SETD7: variants seen among roughly 807,000 people sequenced by gnomAD.
SETD7 encodes the protein SET domain containing 7, histone lysine methyltransferase, also known as histone-lysine N-methyltransferase SETD7.
SETD7 carries 16 observed loss-of-function variants against 41.8 expected under a neutral mutation model. The ratio of observed to expected loss-of-function variants is 0.38; its 90% confidence interval spans 0.26 to 0.58. SETD7 has a LOEUF of 0.58. SETD7 is among the 20% of genes least tolerant of loss of function. SETD7 has a pLI of 0.64. For synonymous variants in SETD7, 163 were observed against 169.7 expected (o/e 0.96, Z 0.31); for missense variants, 346 against 459.7 (o/e 0.75, Z 2.26).
intron 2 of SETD7, among the ~76,000 whole-genome samples, chr4:139,544,023 C>T (rs989089640): frequency 5.3e-5 from 8 of 151,992 alleles, no homozygotes; most frequent in Non-Finnish European, 1.0e-4. Context: ...GGCACAATGG[C>T]TCACGCCTGT....
At chr4:139,501,721 C>T (rs150518624), downstream of SETD7, among the ~76,000 whole-genome samples, 1,099 of 152,320 alleles carry the variant, frequency 7.2e-3, 18 homozygotes, top group African/African-American at 0.025. Context: ...GCCTAGTGAT[C>T]CCCGCAAAGC....
intron 1 of SETD7, among the ~76,000 whole-genome samples, chr4:139,548,784 A>C (rs1442119550): frequency 1.3e-5 from 2 of 152,230 alleles, no homozygotes; most frequent in African/African-American, 4.8e-5. Flanking sequence ...AGACACATCT[A>C]CTTAAATAAA....
downstream of SETD7, among the ~76,000 whole-genome samples, chr4:139,503,235 A>C (rs1484793400): frequency 6.6e-6 from 1 of 151,754 alleles, no homozygotes; most frequent in Non-Finnish European, 1.5e-5. Flanking sequence ...ATTGGATCAA[A>C]GAGGGACCCA....
At chr4:139,495,069 T>A (rs1257110433), downstream of SETD7, among the ~76,000 whole-genome samples, 1 of 152,266 alleles carries the variant, frequency 6.6e-6, no homozygotes, top group Non-Finnish European at 1.5e-5. Flanking sequence ...TAATGCACAA[T>A]CTCTTTCATT....
chr4:139,499,059 C>T (rs1383017634), intron 7 of SETD7, among the ~76,000 whole-genome samples: 2 of 152,160 alleles, frequency 1.3e-5, no homozygotes, highest in Admixed American at 6.5e-5. Flanking sequence ...AAGAGTCTGT[C>T]TCAAAAAGAA....
chr4:139,524,120 T>C (rs955866059), intron 4 of SETD7, among the ~76,000 whole-genome samples: 1 of 152,208 alleles, frequency 6.6e-6, no homozygotes, highest in Non-Finnish European at 1.5e-5. Flanking sequence ...TCAGAGGGCT[T>C]ACTCCTGCAA....
At position 139,509,427 on chromosome 4, in the gene SETD7, G is replaced by T. The variant is rs2592968; in HGVS notation, c.*2236C>A. The T allele has an allele frequency of 0.98, 149,386 of 152,452 alleles. 73,273 individuals carry two copies. The highest frequency in any genetic ancestry group is 1 in the Middle Eastern group (294 of 294). 9.4% of individuals were successfully genotyped at this position (152,452 alleles called of 1,614,324 possible). The stretch of plus-strand genomic sequence containing the variant: ...AACTCTTCAATTCCTTCTATCCAAT[G>T]TTGAAAAAAATTCCATTTGAATGGG... On this transcript the variant is annotated 3_prime_UTR_variant, in exon 8 of 8. Coordinates refer to ENST00000274031, the MANE Select transcript of SETD7 (RefSeq NM_030648.4).
At chr4:139,516,957 T>C (rs1727043009) in intron 7 of SETD7, among the ~76,000 whole-genome samples, 1 of 152,218 alleles carries the variant, frequency 6.6e-6, no homozygotes, top group African/African-American at 2.4e-5. Context: ...ATCTACTTTC[T>C]ATCTCTGTGG....
intron 4 of SETD7, among the ~76,000 whole-genome samples, chr4:139,524,458 A>G (rs998064964): frequency 6.6e-6 from 1 of 152,216 alleles, no homozygotes; most frequent in Non-Finnish European, 1.5e-5. Flanking sequence ...GGCCGGAGGG[A>G]CAGAGGGCAC....
intron 1 of SETD7, among the ~76,000 whole-genome samples, chr4:139,554,957 C>A (rs939118866): frequency 5.9e-5 from 9 of 152,006 alleles, no homozygotes; most frequent in Non-Finnish European, 7.4e-5. Context: ...CAGACAGAAA[C>A]CAGATTCAAC....
At chr4:139,549,089 T>C (rs1019553288) in intron 1 of SETD7, among the ~76,000 whole-genome samples, 1 of 152,228 alleles carries the variant, frequency 6.6e-6, no homozygotes, top group African/African-American at 2.4e-5. Flanking sequence ...GCGATCAAGT[T>C]AAATTTAGGC....
At chr4:139,514,669 A>G (rs1394867483) in intron 7 of SETD7, among the ~76,000 whole-genome samples, 1 of 152,226 alleles carries the variant, frequency 6.6e-6, no homozygotes, top group African/African-American at 2.4e-5. Flanking sequence ...CATGAAGAGC[A>G]TCTAGCACAG....
chr4:139,556,095 T>G lies in SETD7; in HGVS notation c.40+3A>C. 6.2e-7 allele frequency: 1 copy of G among 1,601,564 alleles called. No individual in the cohort carries two copies. The highest frequency in any genetic ancestry group is 8.5e-7 in the Non-Finnish European group (1 of 1,174,876). On this transcript the variant is annotated splice_donor_region_variant and intron_variant, in intron 1 of 7. Coordinates refer to ENST00000274031, the MANE Select transcript of SETD7 (RefSeq NM_030648.4). ...TCCCCCGGCCCCGGAGAAATGCTTG[T>G]ACCTTCCACCGCCTCCTCCACCATC... is the stretch of plus-strand genomic sequence containing the variant.
At chr4:139,552,819 T>G (rs565846253) in intron 1 of SETD7, among the ~76,000 whole-genome samples, 1 of 152,330 alleles carries the variant, frequency 6.6e-6, no homozygotes, top group African/African-American at 2.4e-5. Context: ...TAATTTTTAC[T>G]TCCTCTCAAC....
At chr4:139,498,086 C>A (rs1289446498) in intron 7 of SETD7, among the ~76,000 whole-genome samples, 2 of 152,200 alleles carry the variant, frequency 1.3e-5, no homozygotes, top group Non-Finnish European at 2.9e-5. Context: ...GTGATTACTT[C>A]ATTCTTTCAG....
intron 7 of SETD7, among the ~76,000 whole-genome samples, chr4:139,498,863 C>T (rs1303246071): frequency 6.6e-6 from 1 of 152,202 alleles, no homozygotes. Context: ...GTAATCCCAG[C>T]ACTTTGGGAG....
Position 139,555,182 on chromosome 4 carries a change from C to CAAA in SETD7, c.40+913_40+915dup, listed in dbSNP as rs34969738. Among the ~76,000 whole-genome samples the CAAA allele has an allele frequency of 1.8e-5, 2 of 110,286 alleles. No homozygotes were observed. The highest frequency in any genetic ancestry group is 6.2e-5 in the African/African-American group (2 of 32,010). 72.4% of individuals were successfully genotyped at this position (110,286 alleles called of 152,430 possible). ...CCCCACATCGTTTTTTCAGAACTAACAAAAAAAAAAAAAAAAAGGTGGAGA... is the reference window on the plus strand; with the variant it reads ...CCCCACATCGTTTTTTCAGAACTAACAAAAAAAAAAAAAAAAAAAAGGTGGAGA... On this transcript the variant is annotated intron_variant, in intron 1 of 7. Transcript: ENST00000274031. This position sits in a 1 kb window ranked among gnomAD's most constrained non-coding sequence, Gnocchi z 4.0.
intron 7 of SETD7, 39 bp from the exon 8 acceptor site, chr4:139,511,882 C>G (rs775826382): frequency 2.5e-6 from 4 of 1,578,936 alleles, no homozygotes; most frequent in Non-Finnish European, 3.4e-6. Context: ...CCGGGCCAGA[C>G]CAGGAGGTTG....
rs1338103847 is a variant in SETD7, at chr4:139,508,810, C to A, written c.*2853G>T. The A allele has an allele frequency of 6.6e-6, 1 of 152,198 alleles. No individual in the cohort carries two copies. The highest frequency in any genetic ancestry group is 1.5e-5 in the Non-Finnish European group (1 of 68,050). 9.4% of individuals were successfully genotyped at this position (152,198 alleles called of 1,614,324 possible). A position where few individuals can be genotyped will look rare whatever the true frequency, so the allele number is the denominator to read the frequency against. On this transcript the variant is annotated 3_prime_UTR_variant, in exon 8 of 8. Coordinates refer to ENST00000274031, the MANE Select transcript of SETD7 (RefSeq NM_030648.4). ...CATTCTGAGTATTCTTTTCCACTTG[C>A]GTTTAGGTTCAAACGGGAAACAAAC...
Sources: gnomAD v4.1 joint callset for allele counts (sites outside exome capture counted in the v4.1 genomes callset) on GRCh38, gnomAD v4.1.1 for gene constraint, Gnocchi (gnomAD v3.1) non-coding constraint, MANE v1.5 for transcripts, NCBI Gene and HGNC (gene_info 2026-07-23, HGNC 2026-07-21) for gene names.